Variants in KCNH7 observed in about 807,000 individuals in gnomAD.
KCNH7 encodes voltage-gated inwardly rectifying potassium channel KCNH7.
In KCNH7, 49 loss-of-function variants were observed where a neutral mutation model predicts 120.8. The ratio of observed to expected loss-of-function variants is 0.41; its 90% confidence interval spans 0.32 to 0.51. KCNH7 has a LOEUF of 0.51. KCNH7 is among the 20% of genes least tolerant of loss of function. The pLI is 0.38. For synonymous variants in KCNH7, 547 were observed against 516.1 expected (o/e 1.06, Z -0.81); for missense variants, 1,097 against 1,446.6 (o/e 0.76, Z 3.92).
At chr2:162,417,194 T>C (rs979519322) in intron 9 of KCNH7, among the ~76,000 whole-genome samples, 1 of 152,112 alleles carries the variant, frequency 6.6e-6, no homozygotes, top group Non-Finnish European at 1.5e-5. Context: ...TGGAAAAAAA[T>C]ATTGTGGATG....
At chr2:162,562,029 G>C (rs113418502) in intron 2 of KCNH7, among the ~76,000 whole-genome samples, 4,266 of 152,128 alleles carry the variant, frequency 0.028, 227 homozygotes, top group African/African-American at 0.098. Flanking sequence ...ATGGACACAG[G>C]GAGGGGATCA....
chr2:162,503,532 C>A (rs934101843), intron 6 of KCNH7, among the ~76,000 whole-genome samples: 2 of 151,956 alleles, frequency 1.3e-5, no homozygotes, highest in African/African-American at 4.8e-5. Context: ...TGCTCATGGT[C>A]TTTTCATAGC....
At chr2:162,680,577 A>G (rs1037222333) in intron 2 of KCNH7, among the ~76,000 whole-genome samples, 1 of 151,770 alleles carries the variant, frequency 6.6e-6, no homozygotes, top group Non-Finnish European at 1.5e-5. Flanking sequence ...GGGTTACAGC[A>G]GTGAACAAGA....
chr2:162,585,063 T>C (rs1219912275), intron 2 of KCNH7, among the ~76,000 whole-genome samples: 1 of 151,796 alleles, frequency 6.6e-6, no homozygotes, highest in African/African-American at 2.4e-5. Context: ...TGGGCAAGAG[T>C]AGAGAATAGG....
chr2:162,557,749 T>C (rs1334769576), intron 2 of KCNH7, among the ~76,000 whole-genome samples: 1 of 152,146 alleles, frequency 6.6e-6, no homozygotes, highest in Non-Finnish European at 1.5e-5. Flanking sequence ...GTGATTATTA[T>C]AAACAATGCG....
intron 6 of KCNH7, among the ~76,000 whole-genome samples, chr2:162,503,314 T>C (rs1299514403): frequency 6.6e-6 from 1 of 152,066 alleles, no homozygotes; most frequent in Non-Finnish European, 1.5e-5. Flanking sequence ...AACACAAAGC[T>C]ATCAAAATGA....
intron 2 of KCNH7, among the ~76,000 whole-genome samples, chr2:162,783,713 T>C (rs889365562): frequency 6.6e-6 from 1 of 152,226 alleles, no homozygotes; most frequent in Non-Finnish European, 1.5e-5. Flanking sequence ...CTCTTAAATT[T>C]ATTTTGCCAA....
intron 2 of KCNH7, among the ~76,000 whole-genome samples, chr2:162,611,025 G>A (rs2105971338): frequency 6.6e-6 from 1 of 152,254 alleles, no homozygotes. Context: ...ACCAATTAAA[G>A]GTACAGCATA....
chr2:162,544,941 ATAT>A (rs1559006421), intron 2 of KCNH7, among the ~76,000 whole-genome samples: 3 of 152,308 alleles, frequency 2.0e-5, no homozygotes, highest in South Asian at 4.1e-4. Flanking sequence ...GGATCGCTAC[ATAT>A]TATTATTACT....
intron 2 of KCNH7, among the ~76,000 whole-genome samples, chr2:162,656,589 T>G (rs1394621918): frequency 6.6e-6 from 1 of 152,218 alleles, no homozygotes; most frequent in Non-Finnish European, 1.5e-5. Context: ...AAAGTAACTA[T>G]TCTCCTTTCC....
Position 162,517,913 on chromosome 2 carries a change from G to A in KCNH7, c.709C>T (p.His237Tyr), listed in dbSNP as rs1691366938. 6.2e-7 allele frequency: 1 copy of A among 1,611,880 alleles called. No homozygotes were observed. Among genetic ancestry groups the A allele is most frequent in the South Asian group, 1.1e-5 (1 of 91,028 alleles). The part of the protein sequence containing the change: ...PLVNISGPLD[H>Y]SSPKRQWDRL... ...TCCCATTGCCTTTTGGGAGAGGAAT[G>A]GTCAAGAGGTCCGGATATATTCACC... The change falls in exon 4 of 16, where the codon CAT becomes TAT. Residue 237 changes from histidine (H) to tyrosine (Y), a missense_variant. Transcript: ENST00000332142.
intron 2 of KCNH7, among the ~76,000 whole-genome samples, chr2:162,706,066 G>A (rs1686690662): frequency 6.6e-6 from 1 of 152,090 alleles, no homozygotes; most frequent in South Asian, 2.1e-4. Flanking sequence ...TCAAGTCACA[G>A]CAGAGTGCTC....
At chr2:162,494,239 T>C (rs1187118708) in intron 6 of KCNH7, among the ~76,000 whole-genome samples, 3 of 152,170 alleles carry the variant, frequency 2.0e-5, no homozygotes, top group Non-Finnish European at 2.9e-5. Context: ...GTTTTTGGTC[T>C]TTCTTAAAAT....
chr2:162,749,875 A>G (rs1688479588), intron 2 of KCNH7, among the ~76,000 whole-genome samples: 1 of 152,210 alleles, frequency 6.6e-6, no homozygotes, highest in Non-Finnish European at 1.5e-5. Context: ...TCCTGCTGAG[A>G]GTTGGGTAAA....
chr2:162,669,488 A>T (rs1320057604), intron 2 of KCNH7, among the ~76,000 whole-genome samples: 1 of 152,232 alleles, frequency 6.6e-6, no homozygotes, highest in Non-Finnish European at 1.5e-5. Flanking sequence ...GAGGTGTACA[A>T]CTCTTCGGAA....
At chr2:162,586,186 A>C (rs749246016) in intron 2 of KCNH7, among the ~76,000 whole-genome samples, 1 of 152,014 alleles carries the variant, frequency 6.6e-6, no homozygotes, top group Non-Finnish European at 1.5e-5. Flanking sequence ...CAAGGGCTGG[A>C]GTCTCTAATC....
intron 3 of KCNH7, among the ~76,000 whole-genome samples, chr2:162,521,822 A>G (rs1469054604): frequency 3.3e-5 from 5 of 151,810 alleles, no homozygotes. Context: ...TGTTGCTCTA[A>G]AGTGCTACCA....
At chr2:162,758,636 G>A (rs1688869424) in intron 2 of KCNH7, among the ~76,000 whole-genome samples, 1 of 151,922 alleles carries the variant, frequency 6.6e-6, no homozygotes, top group Non-Finnish European at 1.5e-5. Flanking sequence ...TATACCCATA[G>A]TTGTATTGTT....
chr2:162,784,318 T>C (rs115787706), intron 2 of KCNH7, among the ~76,000 whole-genome samples: 1,776 of 152,252 alleles, frequency 0.012, 38 homozygotes, highest in African/African-American at 0.04. Context: ...GAGGCTCCAA[T>C]GGGTTAAATA....
Sources: allele counts gnomAD v4.1 joint callset (sites outside exome capture counted in the v4.1 genomes callset), GRCh38; gene constraint gnomAD v4.1.1; transcripts MANE v1.5; gene names NCBI Gene and HGNC (gene_info 2026-07-23, HGNC 2026-07-21).